PLGRKT: variants seen among roughly 807,000 people sequenced by gnomAD.
PLGRKT encodes plasminogen receptor with a C-terminal lysine.
Under a neutral mutation model 18.5 loss-of-function variants are expected in PLGRKT, and 22 were observed. The ratio of observed to expected loss-of-function variants is 1.19; its 90% CI spans 0.85 to 1.70. PLGRKT has a LOEUF of 1.70. Ranked by LOEUF, PLGRKT falls within the 40% of genes most tolerant of loss-of-function variation. The probability of loss-of-function intolerance (pLI) is 0.00; values close to 1 mark genes in which losing one functional copy is unlikely to be tolerated. For missense variants in PLGRKT, 235 were observed against 174.4 expected (o/e 1.35, Z -1.96); for synonymous variants, 72 against 52.8 (o/e 1.36, Z -1.58).
Position 5,400,677 on chromosome 9 carries a change from C to T in PLGRKT, c.81+31220G>A, listed in dbSNP as rs568909667. ...TATAAATATTATAAAAGTACTCAAC[C>T]TTGTCTTTTCATCTTTATATCCTCC... On this transcript the variant is annotated intron_variant, in intron 3 of 5. Coordinates refer to ENST00000223864, the MANE Select transcript of PLGRKT (RefSeq NM_018465.4). 9.9e-5 allele frequency among the ~76,000 whole-genome samples: 15 copies of T among 151,872 alleles called. 1 individual carries two copies. The highest frequency in any genetic ancestry group is 3.4e-4 in the African/African-American group (14 of 41,278).
rs150059802 is a variant in PLGRKT at position 5,417,870 on chromosome 9, C to G, written c.81+14027G>C. Among the ~76,000 whole-genome samples the G allele has an allele frequency of 1.8e-3, 279 of 152,104 alleles. 4 individuals carry two copies. The highest frequency in any genetic ancestry group is 6.6e-3 in the African/African-American group (272 of 41,488). Reference sequence around the variant, plus strand: ...ATTCAAAATGTATAAAAAGCCTCAGCAACTAAATGAAGACTGAGTTTCAAG... The same window carrying G: ...ATTCAAAATGTATAAAAAGCCTCAGGAACTAAATGAAGACTGAGTTTCAAG... On this transcript the variant is annotated intron_variant, in intron 3 of 5. Transcript: ENST00000223864.
intron 4 of PLGRKT, 37 bp from the exon 5 acceptor site, chr9:5,361,224 A>C (rs1406010406): frequency 8.3e-7 from 1 of 1,205,110 alleles, no homozygotes; most frequent in Non-Finnish European, 1.2e-6. Context: ...AATATCAAAA[A>C]ATAACCTGTA....
chr9:5,359,952 T>C (rs1817226950), intron 5 of PLGRKT, among the ~76,000 whole-genome samples: 1 of 152,250 alleles, frequency 6.6e-6, no homozygotes, highest in South Asian at 2.1e-4. Flanking sequence ...AAATTCCACA[T>C]ACTAAATTGA....
At chr9:5,394,175 ATGT>A (rs1818001368) in intron 3 of PLGRKT, among the ~76,000 whole-genome samples, 1 of 151,854 alleles carries the variant, frequency 6.6e-6, no homozygotes, top group Non-Finnish European at 1.5e-5. Flanking sequence ...AGACTTTTTG[ATGT>A]TGTGACTAAG....
chr9:5,422,948 T>C (rs1818605575), intron 3 of PLGRKT, among the ~76,000 whole-genome samples: 1 of 152,220 alleles, frequency 6.6e-6, no homozygotes, highest in Admixed American at 6.5e-5. Context: ...AGTTAATTGC[T>C]TTCGAAACAC....
rs758926767 is a variant in PLGRKT at position 5,430,058 on chromosome 9, A to G, written c.81+1839T>C. ...ACTGTGACACAAATCCACTGAGTGCATAGCACTCATTTCGCCCGTGCCCAT... is the reference window on the plus strand; with the variant it reads ...ACTGTGACACAAATCCACTGAGTGCGTAGCACTCATTTCGCCCGTGCCCAT... On this transcript the variant is annotated intron_variant, in intron 3 of 5. Transcript: ENST00000223864. Among the ~76,000 whole-genome samples, 210 of 152,320 alleles carry G rather than the reference A, an allele frequency of 1.4e-3. 2 individuals carry two copies. The highest frequency in any genetic ancestry group is 3.4e-3 in the Middle Eastern group (1 of 294).
At chr9:5,437,647 GC>G (rs1818986720) in intron 1 of PLGRKT, 141 bp downstream of exon 1, 2 of 152,352 alleles carry the variant, frequency 1.3e-5, no homozygotes, top group African/African-American at 4.8e-5. Context: ...AGCACCAGGG[GC>G]AGTGCGAGAG....
rs992815124 is a variant in PLGRKT at position 5,397,136 on chromosome 9, G to A, written c.81+34761C>T. ...AGTATGAATGCGAAGGCTACAAAACGAAATTGTAGGCTTCCTACTAGTGGC... is the reference window on the plus strand; with the variant it reads ...AGTATGAATGCGAAGGCTACAAAACAAAATTGTAGGCTTCCTACTAGTGGC... On this transcript the variant is annotated intron_variant, in intron 3 of 5. Coordinates refer to ENST00000223864, the MANE Select transcript of PLGRKT (RefSeq NM_018465.4). 2.0e-5 allele frequency among the ~76,000 whole-genome samples: 3 copies of A among 152,028 alleles called. No homozygotes were observed. In the South Asian group the frequency reaches 6.2e-4, roughly 32 times the overall value.
At chr9:5,431,426 A>G (rs1384661527) in intron 3 of PLGRKT, among the ~76,000 whole-genome samples, 1 of 150,196 alleles carries the variant, frequency 6.7e-6, no homozygotes, top group Non-Finnish European at 1.5e-5. Context: ...CCCAGCTACT[A>G]GGGAGGCTGA....
chr9:5,383,161 A>G (rs1817778037), intron 3 of PLGRKT, among the ~76,000 whole-genome samples: 1 of 152,238 alleles, frequency 6.6e-6, no homozygotes, highest in Non-Finnish European at 1.5e-5. Flanking sequence ...GGAGCAATGC[A>G]GCCACAAGCC....
At chr9:5,400,207 G>A (rs1233509141) in intron 3 of PLGRKT, among the ~76,000 whole-genome samples, 1 of 151,672 alleles carries the variant, frequency 6.6e-6, no homozygotes, top group Non-Finnish European at 1.5e-5. Context: ...TATGATCACA[G>A]ATAGATTTTC....
rs1817653860 is a variant in PLGRKT at position 5,377,571 on chromosome 9, T to A, written c.82-15683A>T. ...ATTTTCAGAAATGTTGAGAAATTTC[T>A]GAAAGAGAGAAAGCAGATGGGATCA... On this transcript the variant is annotated intron_variant, in intron 3 of 5. Coordinates refer to ENST00000223864, the MANE Select transcript of PLGRKT (RefSeq NM_018465.4). Among the ~76,000 whole-genome samples, 4 of 152,202 alleles carry A rather than the reference T, an allele frequency of 2.6e-5. No homozygotes were observed. The South Asian group carries it at 8.3e-4, about 32-fold the overall frequency.
chr9:5,385,019 G>A (rs553875098), intron 3 of PLGRKT, among the ~76,000 whole-genome samples: 79 of 152,222 alleles, frequency 5.2e-4, no homozygotes, highest in African/African-American at 1.9e-3. Flanking sequence ...AGTCACCAAG[G>A]TGAGATGAGG....
At chr9:5,372,983 G>A (rs959855896) in intron 3 of PLGRKT, among the ~76,000 whole-genome samples, 4 of 152,184 alleles carry the variant, frequency 2.6e-5, no homozygotes, top group Non-Finnish European at 4.4e-5. Context: ...AGGCCTGCCT[G>A]CTCCAAAGCC....
At chr9:5,384,853 T>C (rs1361294558) in intron 3 of PLGRKT, among the ~76,000 whole-genome samples, 1 of 152,176 alleles carries the variant, frequency 6.6e-6, no homozygotes, top group Non-Finnish European at 1.5e-5. Flanking sequence ...ATAATGTGAA[T>C]TTCCTTCTTG....
At chr9:5,428,816 A>G (rs1818756990) in intron 3 of PLGRKT, among the ~76,000 whole-genome samples, 1 of 152,124 alleles carries the variant, frequency 6.6e-6, no homozygotes, top group South Asian at 2.1e-4. Context: ...CTCCCACCTC[A>G]GCGTCCTGTG....
chr9:5,378,212 T>C lies in PLGRKT; in HGVS notation c.82-16324A>G, dbSNP rs187202802. ...CGTAATAGATAAGGATAAAGGTGCATAAAGAGAACATCTGGAACGGGAGAT... is the reference window on the plus strand; with the variant it reads ...CGTAATAGATAAGGATAAAGGTGCACAAAGAGAACATCTGGAACGGGAGAT... On this transcript the variant is annotated intron_variant, in intron 3 of 5. Transcript: ENST00000223864. 3.5e-4 allele frequency among the ~76,000 whole-genome samples: 54 copies of C among 152,222 alleles called. No individual in the cohort carries two copies. In the Middle Eastern group the frequency reaches 0.017, roughly 48 times the overall value.
At chr9:5,423,453 A>G (rs1436049911) in intron 3 of PLGRKT, among the ~76,000 whole-genome samples, 1 of 152,192 alleles carries the variant, frequency 6.6e-6, no homozygotes, top group African/African-American at 2.4e-5. Context: ...GGGAGTCTAT[A>G]TACATTCTTC....
chr9:5,414,741 T>A (rs1237088016), intron 3 of PLGRKT, among the ~76,000 whole-genome samples: 1 of 152,192 alleles, frequency 6.6e-6, no homozygotes, highest in Admixed American at 6.5e-5. Context: ...CAGGGGTACG[T>A]ACTGGCAATT....
Sources: gnomAD v4.1 joint callset for allele counts (sites outside exome capture counted in the v4.1 genomes callset) on GRCh38, gnomAD v4.1.1 for gene constraint, MANE v1.5 for transcripts, NCBI Gene and HGNC (gene_info 2026-07-23, HGNC 2026-07-21) for gene names.